KIF13A: variants seen among roughly 807,000 people sequenced by gnomAD.
KIF13A encodes the protein kinesin-like protein KIF13A.
Under a neutral mutation model 212.2 loss-of-function variants are expected in KIF13A, and 79 were observed. The observed-to-expected ratio is 0.37, with a 90% CI of 0.31 to 0.45. The LOEUF is 0.45. KIF13A is among the 20% of genes least tolerant of loss of function. KIF13A has a pLI of 1.00. For missense variants in KIF13A, 1,901 were observed against 2,209.0 expected (o/e 0.86, Z 2.79); for synonymous variants, 789 against 808.6 (o/e 0.98, Z 0.41).
Position 17,785,883 on chromosome 6 carries a change from C to A in KIF13A, c.3362-242G>T. On this transcript the variant is annotated intron_variant, in intron 27 of 38. Coordinates refer to ENST00000259711, the MANE Select transcript of KIF13A (RefSeq NM_022113.6). This position sits in a 1 kb window ranked among gnomAD's most constrained non-coding sequence, Gnocchi z 5.8. ...AGTGAGCTATCATCACATTACTGTA[C>A]TAAAGCCTGGGCAACAGACAAGAGA... Among the ~76,000 whole-genome samples, 1 of 151,992 alleles carries A rather than the reference C, an allele frequency of 6.6e-6. No homozygotes were observed. Among genetic ancestry groups the A allele is most frequent in the South Asian group, 2.1e-4 (1 of 4,814 alleles).
intron 2 of KIF13A, among the ~76,000 whole-genome samples, chr6:17,931,329 C>A (rs1775967445): frequency 6.6e-6 from 1 of 152,168 alleles, no homozygotes; most frequent in African/African-American, 2.4e-5. Flanking sequence ...AATTTGCACT[C>A]ATGAAATAGT....
At chr6:17,796,940 C>T (rs1188839395) in intron 22 of KIF13A, 120 bp from the exon 23 acceptor site, 7 of 512,190 alleles carry the variant, frequency 1.4e-5, no homozygotes, top group Admixed American at 4.4e-5. Flanking sequence ...ACCTTAAATC[C>T]GTCTCTTCTG....
intron 4 of KIF13A, among the ~76,000 whole-genome samples, chr6:17,860,307 G>C (rs181406721): frequency 6.6e-6 from 1 of 152,110 alleles, no homozygotes; most frequent in East Asian, 1.9e-4. Flanking sequence ...TCCTGCCTCA[G>C]CCTCCTAAGT....
chr6:17,854,546 A>ATTTTTTTTTT (rs36073765), intron 6 of KIF13A, among the ~76,000 whole-genome samples: 2 of 77,118 alleles, frequency 2.6e-5, no homozygotes, highest in Non-Finnish European at 4.5e-5. Flanking sequence ...AATCAGTATA[A>ATTTTTTTTTT]TTTTTTTTTT....
Position 17,826,068 on chromosome 6 carries a change from C to G in KIF13A, c.1589G>C (p.Arg530Pro). ...AAAGTGATTATTTCCCCATAGGATT[C>G]GGTCACCATGCCACAGCTGGGTGGT... is the stretch of plus-strand genomic sequence containing the variant. ...CSTTQLWHGD[R>P]ILWGNNHFFR... The change falls in exon 15 of 39, where the codon CGA becomes CCA. Residue 530 changes from arginine (R) to proline (P), a missense_variant. Coordinates refer to ENST00000259711, the MANE Select transcript of KIF13A (RefSeq NM_022113.6). The surrounding 1 kb of genome is among the most constrained non-coding windows in gnomAD (Gnocchi z 4.7). 1.2e-6 allele frequency: 2 copies of G among 1,613,970 alleles called. No individual in the cohort carries two copies. Among genetic ancestry groups the G allele is most frequent in the South Asian group, 1.1e-5 (1 of 91,076 alleles).
chr6:17,827,091 A>G (rs1013283213), intron 14 of KIF13A, among the ~76,000 whole-genome samples: 2 of 151,804 alleles, frequency 1.3e-5, no homozygotes, highest in Non-Finnish European at 2.9e-5. Flanking sequence ...ATAAATAAAT[A>G]AAATAATTTT....
intron 2 of KIF13A, among the ~76,000 whole-genome samples, chr6:17,938,462 C>T (rs1281933724): frequency 6.6e-6 from 1 of 152,126 alleles, no homozygotes; most frequent in South Asian, 2.1e-4. Context: ...GAAGATAGAA[C>T]GGTCCTGAAA....
In KIF13A at chr6:17,778,956, C is replaced by T. The variant is rs779192719; in HGVS notation, c.4083G>A (p.Arg1361=). ...LQVENILSLE[R]LRQAVTVKEA... ...ATATTCAGTTACTTGCCTGCCGGAGCCGTTCAAGACTCAGAATGTTTTCCA... is the reference window on the plus strand; with the variant it reads ...ATATTCAGTTACTTGCCTGCCGGAGTCGTTCAAGACTCAGAATGTTTTCCA... The change falls in exon 33 of 39, where the codon CGG becomes CGA. Residue 1361 remains arginine (R), a synonymous_variant. Coordinates refer to ENST00000259711, the MANE Select transcript of KIF13A (RefSeq NM_022113.6). The T allele has an allele frequency of 5.7e-6, 9 of 1,590,350 alleles. No homozygotes were observed. The South Asian group carries it at 1.0e-4, about 18-fold the overall frequency.
chr6:17,938,458 A>G (rs1326095326), intron 2 of KIF13A, among the ~76,000 whole-genome samples: 2 of 152,204 alleles, frequency 1.3e-5, no homozygotes, highest in African/African-American at 4.8e-5. Context: ...TCATGAAGAT[A>G]GAACGGTCCT....
At chr6:17,876,488 A>T (rs917041783) in intron 3 of KIF13A, among the ~76,000 whole-genome samples, 2 of 152,218 alleles carry the variant, frequency 1.3e-5, no homozygotes, top group Non-Finnish European at 1.5e-5. Flanking sequence ...TCCCAGAAGC[A>T]TTCTTGGTTA....
rs1209111975 is a variant in KIF13A, at chr6:17,987,313, C to T, written c.55+96G>A. 12 of 992,400 alleles carry T rather than the reference C, an allele frequency of 1.2e-5. No individual in the cohort carries two copies. Among genetic ancestry groups the T allele is most frequent in the Non-Finnish European group, 1.3e-5 (10 of 760,226 alleles). The allele number at this position is 992,400 out of a possible 1,614,324, so 61.5% of individuals were successfully genotyped here. On this transcript the variant is annotated intron_variant, in intron 1 of 38. Coordinates refer to ENST00000259711, the MANE Select transcript of KIF13A (RefSeq NM_022113.6). This position sits in a 1 kb window ranked among gnomAD's most constrained non-coding sequence, Gnocchi z 7.7. ...CGCCGCCTCCGCCCCGGCCCCCCGG[C>T]CCCGGCCGCGCTCTCGCCGTCCCGG... is the stretch of plus-strand genomic sequence containing the variant.
intron 2 of KIF13A, among the ~76,000 whole-genome samples, chr6:17,946,504 CA>C (rs1392019901): frequency 6.7e-6 from 1 of 150,004 alleles, no homozygotes. Context: ...CAAAAGAAAA[CA>C]AATGAATGGC....
chr6:17,917,290 G>GAGT (rs1385839737), intron 2 of KIF13A, among the ~76,000 whole-genome samples: 1 of 146,024 alleles, frequency 6.8e-6, no homozygotes, highest in Non-Finnish European at 1.5e-5. Flanking sequence ...GCCCAGGCTG[G>GAGT]AGTACAGTGG....
rs749029069 is a variant in KIF13A, at chr6:17,764,398, G to C, written c.5130C>G (p.Ser1710Arg). The C allele has an allele frequency of 2.2e-5, 35 of 1,613,844 alleles. No individual in the cohort carries two copies. The highest frequency in any genetic ancestry group is 2.8e-5 in the Non-Finnish European group (33 of 1,179,894). Residue 1710 changes from serine (S) to arginine (R), a missense_variant, in exon 39 of 39, where the codon AGC (serine) becomes AGG (arginine). Ser to Arg is a moderately radical substitution (Grantham distance 110, BLOSUM62 -1). Transcript: ENST00000259711. The surrounding 1 kb of genome is among the most constrained non-coding windows in gnomAD (Gnocchi z 5.1). ...TGGGGCAGAATCCCCTGGCTGGCTG[G>C]CTAATTTTGCTGGGGCAGGCATCTA... Reference protein sequence around the residue: ...SELDACPSKISQPARGFCPRE... With the variant: ...SELDACPSKIRQPARGFCPRE...
Position 17,927,851 on chromosome 6 carries a change from T to G in KIF13A, c.147-29671A>C, listed in dbSNP as rs372167001. On this transcript the variant is annotated intron_variant, in intron 2 of 38. Coordinates refer to ENST00000259711, the MANE Select transcript of KIF13A (RefSeq NM_022113.6). ...TTGGAATAAACAAGCAACTTCCACC[T>G]GGCAGGCCTCTTGGCGTGAGCCCGT... is the stretch of plus-strand genomic sequence containing the variant. Among the ~76,000 whole-genome samples, 34 of 152,298 alleles carry G rather than the reference T, an allele frequency of 2.2e-4. No individual in the cohort carries two copies. In the East Asian group the frequency reaches 6.4e-3, roughly 29 times the overall value.
chr6:17,906,070 C>A (rs1773469080), intron 2 of KIF13A, among the ~76,000 whole-genome samples: 1 of 152,094 alleles, frequency 6.6e-6, no homozygotes, highest in Admixed American at 6.5e-5. Flanking sequence ...AAGAAGAATG[C>A]AAATTTCAAA....
intron 13 of KIF13A, 37 bp downstream of exon 13, chr6:17,831,064 G>C (rs768074563): frequency 6.3e-7 from 1 of 1,585,382 alleles, no homozygotes; most frequent in Non-Finnish European, 8.6e-7. Flanking sequence ...GTATAGGAAT[G>C]AATCTTGATT....
intron 25 of KIF13A, among the ~76,000 whole-genome samples, chr6:17,791,066 A>G (rs760431430): frequency 1.3e-5 from 2 of 152,062 alleles, no homozygotes; most frequent in Non-Finnish European, 2.9e-5. Context: ...TGCTTTAAGA[A>G]TATAGTCAAA....
rs530595682 is a variant in KIF13A, at chr6:17,911,580, T to C, written c.147-13400A>G. On this transcript the variant is annotated intron_variant, in intron 2 of 38. Coordinates refer to ENST00000259711, the MANE Select transcript of KIF13A (RefSeq NM_022113.6). ...ACAAACATCACATGTTCTCACTTAT[T>C]TGTGGGATCTAAAAATCAAAACAAT... 4.6e-4 allele frequency among the ~76,000 whole-genome samples: 70 copies of C among 152,094 alleles called. 1 individual carries two copies. The highest frequency in any genetic ancestry group is 8.5e-4 in the Non-Finnish European group (58 of 68,028).
Sources: gnomAD v4.1 joint callset for allele counts (sites outside exome capture counted in the v4.1 genomes callset) on GRCh38, gnomAD v4.1.1 for gene constraint, Gnocchi (gnomAD v3.1) non-coding constraint, MANE v1.5 for transcripts, NCBI Gene and HGNC (gene_info 2026-07-23, HGNC 2026-07-21) for gene names.